PDCD1LG2: variants seen among roughly 807,000 people sequenced by gnomAD.
The protein encoded by PDCD1LG2 is programmed cell death 1 ligand 2.
A neutral mutation model predicts 28.2 loss-of-function variants in PDCD1LG2; 32 were observed. The observed-to-expected ratio is 1.13, with a 90% CI of 0.86 to 1.52. The LOEUF (loss-of-function observed/expected upper bound fraction) is 1.52. Ranked by LOEUF, PDCD1LG2 falls within the 40% of genes most tolerant of loss-of-function variation. The probability of loss-of-function intolerance (pLI) is 0.00; values close to 1 mark genes in which losing one functional copy is unlikely to be tolerated. For missense variants in PDCD1LG2, 385 were observed against 323.8 expected (o/e 1.19, Z -1.45); for synonymous variants, 116 against 120.2 (o/e 0.97, Z 0.23).
At chr9:5,561,674 A>C (rs780613589) in intron 5 of PDCD1LG2, among the ~76,000 whole-genome samples, 4 of 152,222 alleles carry the variant, frequency 2.6e-5, no homozygotes, top group Non-Finnish European at 4.4e-5. Flanking sequence ...GATCTTTAGA[A>C]CATGTCTTCA....
intron 2 of PDCD1LG2, among the ~76,000 whole-genome samples, chr9:5,526,299 T>C (rs1334470324): frequency 6.6e-6 from 1 of 152,198 alleles, no homozygotes; most frequent in East Asian, 1.9e-4. Flanking sequence ...GGTGATTACT[T>C]TTGTAACCAC....
At chr9:5,512,346 G>T (rs545190413) in intron 1 of PDCD1LG2, among the ~76,000 whole-genome samples, 1 of 152,202 alleles carries the variant, frequency 6.6e-6, no homozygotes, top group African/African-American at 2.4e-5. Flanking sequence ...TCTAGCCCCA[G>T]TCACCTCTGA....
intron 2 of PDCD1LG2, among the ~76,000 whole-genome samples, chr9:5,528,020 G>C (rs1820411729): frequency 6.6e-6 from 1 of 151,452 alleles, no homozygotes; most frequent in Admixed American, 6.6e-5. Context: ...AATAGAGACG[G>C]GGTTTTGCCA....
chr9:5,518,678 T>C (rs1444106449), intron 1 of PDCD1LG2, among the ~76,000 whole-genome samples: 3 of 152,238 alleles, frequency 2.0e-5, no homozygotes, highest in African/African-American at 7.2e-5. Flanking sequence ...TACAGCTCAC[T>C]GAGGACCTTA....
chr9:5,534,603 A>G, intron 2 of PDCD1LG2, 142 bp from the exon 3 acceptor site: 1 of 710,796 alleles, frequency 1.4e-6, no homozygotes, highest in South Asian at 1.9e-5. Context: ...GCAAAGGAGA[A>G]AAAGGATTCG....
chr9:5,544,447 G>A (rs1820752523), intron 3 of PDCD1LG2, among the ~76,000 whole-genome samples: 1 of 152,142 alleles, frequency 6.6e-6, no homozygotes, highest in South Asian at 2.1e-4. Context: ...GAGCATAGGG[G>A]AGAAATACCT....
intron 2 of PDCD1LG2, among the ~76,000 whole-genome samples, chr9:5,526,500 C>T (rs1001969475): frequency 6.6e-6 from 1 of 152,128 alleles, no homozygotes; most frequent in Non-Finnish European, 1.5e-5. Context: ...TGCAGTGGCC[C>T]AACCACAGCT....
rs921207027 is a variant in PDCD1LG2, at chr9:5,528,916, G to A, written c.56-5829G>A. Among the ~76,000 whole-genome samples, 7 of 152,228 alleles carry A rather than the reference G, an allele frequency of 4.6e-5. No homozygotes were observed. In the South Asian group the frequency reaches 8.3e-4, roughly 18 times the overall value. On this transcript the variant is annotated intron_variant, in intron 2 of 6. Transcript: ENST00000397747. ...GGCTTATGTTTGTATTTTCAGTAGA[G>A]TCGGGGTTTCACTATGTTGGCCAGG...
At chr9:5,555,568 T>C (rs1434959606) in intron 4 of PDCD1LG2, among the ~76,000 whole-genome samples, 1 of 152,202 alleles carries the variant, frequency 6.6e-6, no homozygotes, top group Non-Finnish European at 1.5e-5. Context: ...CAGAAGTATC[T>C]TTCGTTCCAT....
chr9:5,537,493 C>T (rs190935576), intron 3 of PDCD1LG2, among the ~76,000 whole-genome samples: 175 of 152,158 alleles, frequency 1.2e-3, no homozygotes, highest in Middle Eastern at 3.4e-3. Flanking sequence ...TGTCCAACAA[C>T]GATAGACTGG....
chr9:5,545,882 G>C (rs563476972), intron 3 of PDCD1LG2, among the ~76,000 whole-genome samples: 1 of 152,250 alleles, frequency 6.6e-6, no homozygotes, highest in Non-Finnish European at 1.5e-5. Context: ...TGCTGTAGAA[G>C]GTGTTTTTCA....
chr9:5,533,244 C>A lies in PDCD1LG2; in HGVS notation c.56-1501C>A, dbSNP rs183010427. On this transcript the variant is annotated intron_variant, in intron 2 of 6. Transcript: ENST00000397747. ...TCCTATACCTCCATCATAATGAATACCCATTCATTAATGATGGAAGCAGCC... is the reference window on the plus strand; with the variant it reads ...TCCTATACCTCCATCATAATGAATAACCATTCATTAATGATGGAAGCAGCC... 7.2e-5 allele frequency among the ~76,000 whole-genome samples: 11 copies of A among 152,298 alleles called. No individual in the cohort carries two copies. In the East Asian group the frequency reaches 1.9e-3, roughly 27 times the overall value.
chr9:5,519,913 A>C (rs150910798), intron 1 of PDCD1LG2, among the ~76,000 whole-genome samples: 66 of 152,308 alleles, frequency 4.3e-4, no homozygotes, highest in Admixed American at 7.2e-4. Context: ...AGTTCCCTTC[A>C]GGTCTTTTTT....
intron 2 of PDCD1LG2, 36 bp downstream of exon 2, chr9:5,522,637 G>C (rs1364415640): frequency 1.2e-6 from 2 of 1,604,130 alleles, no homozygotes; most frequent in Admixed American, 3.4e-5. Flanking sequence ...TAAGAAAGAA[G>C]AGCAGGTGGT....
chr9:5,514,454 G>C (rs151155831), intron 1 of PDCD1LG2, among the ~76,000 whole-genome samples: 1 of 152,022 alleles, frequency 6.6e-6, no homozygotes, highest in Non-Finnish European at 1.5e-5. Context: ...TGCAAATTTT[G>C]CTTGAAAAAA....
intron 1 of PDCD1LG2, 81 bp from the exon 2 acceptor site, chr9:5,522,452 C>A: frequency 1.9e-6 from 2 of 1,044,938 alleles, no homozygotes; most frequent in South Asian, 1.5e-5. Context: ...TTTGTTATTC[C>A]CCTGTTTTCA....
intron 1 of PDCD1LG2, among the ~76,000 whole-genome samples, chr9:5,514,208 A>T (rs1820113057): frequency 6.6e-6 from 1 of 152,232 alleles, no homozygotes; most frequent in South Asian, 2.1e-4. Flanking sequence ...AGAATTCCAT[A>T]AAAGCACTGG....
intron 1 of PDCD1LG2, among the ~76,000 whole-genome samples, 174 bp from the exon 2 acceptor site, chr9:5,522,359 A>G (rs570187988): frequency 7.9e-5 from 12 of 152,258 alleles, no homozygotes; most frequent in African/African-American, 2.6e-4. Flanking sequence ...CTCTTAATTT[A>G]TATCTTCTCT....
intron 3 of PDCD1LG2, 111 bp downstream of exon 3, chr9:5,535,161 A>G: frequency 1.1e-6 from 1 of 941,460 alleles, no homozygotes; most frequent in Non-Finnish European, 1.5e-6. Context: ...GGCTGCTTTT[A>G]AGGAGACAGC....
Sources: allele counts gnomAD v4.1 joint callset (sites outside exome capture counted in the v4.1 genomes callset), GRCh38; gene constraint gnomAD v4.1.1; transcripts MANE v1.5; gene names NCBI Gene and HGNC (gene_info 2026-07-23, HGNC 2026-07-21).